SH3D19: variants seen among roughly 807,000 people sequenced by gnomAD.
SH3D19 encodes SH3 domain containing 19.
A neutral mutation model predicts 112.1 loss-of-function variants in SH3D19; 58 were observed. The observed-to-expected ratio is 0.52, with a 90% CI of 0.42 to 0.64. The LOEUF is 0.64. Among genes scored for constraint, SH3D19 ranks in the 30% least tolerant of loss-of-function variants. SH3D19 has a pLI of 0.00. For missense variants in SH3D19, 1,090 were observed against 1,263.4 expected, an observed-to-expected ratio of 0.86 and a Z score of 2.08; for synonymous variants, 391 against 448.5, an observed-to-expected ratio of 0.87 and a Z score of 1.62.
In SH3D19 at chr4:151,267,172, ATAAAT is replaced by A. The variant is rs750243220; in HGVS notation, c.113-41091_113-41087del. Among the ~76,000 whole-genome samples, 58 of 144,208 alleles carry A rather than the reference ATAAAT, an allele frequency of 4.0e-4. 3 individuals carry two copies. The highest frequency in any genetic ancestry group is 7.7e-4 in the African/African-American group (30 of 38,912). The allele number at this position is 144,208 out of a possible 152,430, so 94.6% of individuals were successfully genotyped here. Reference sequence around the variant, plus strand: ...AGTCTCTCTCTAAAAAAAAAAAAAAATAAATAAAATAAATTAGTCTAGCATAGTGG... The same window carrying A: ...AGTCTCTCTCTAAAAAAAAAAAAAAAAAAATAAATTAGTCTAGCATAGTGG... On this transcript the variant is annotated intron_variant, in intron 1 of 19. Transcript: ENST00000604030.
intron 2 of SH3D19, among the ~76,000 whole-genome samples, chr4:151,214,563 C>A (rs1196418611): frequency 3.6e-4 from 52 of 142,566 alleles, no homozygotes; most frequent in African/African-American, 1.3e-3. Context: ...ACCTCCCGGA[C>A]GGGGAGGCTG....
intron 1 of SH3D19, among the ~76,000 whole-genome samples, chr4:151,252,321 T>A (rs1431749567): frequency 6.6e-6 from 1 of 152,214 alleles, no homozygotes; most frequent in Non-Finnish European, 1.5e-5. Flanking sequence ...CTCAAAGTAC[T>A]CCCCTTTTAT....
intron 1 of SH3D19, chr4:151,266,157 C>CGTA (rs1772774948): frequency 6.6e-6 from 1 of 152,066 alleles, no homozygotes; most frequent in South Asian, 2.1e-4. Context: ...GGAATGAGAT[C>CGTA]GTACCGATGA....
intron 1 of SH3D19, among the ~76,000 whole-genome samples, chr4:151,307,463 C>G (rs1166201632): frequency 6.6e-6 from 1 of 152,224 alleles, no homozygotes; most frequent in Non-Finnish European, 1.5e-5. Flanking sequence ...CTCGTGAGCC[C>G]AAAAAGCCAC....
intron 1 of SH3D19, among the ~76,000 whole-genome samples, chr4:151,254,115 T>C (rs1386244201): frequency 7.2e-5 from 11 of 152,196 alleles, no homozygotes; most frequent in Admixed American, 5.2e-4. Flanking sequence ...AATGAAAACA[T>C]GCGTTACCCT....
chr4:151,287,266 G>C (rs531159156), intron 1 of SH3D19, among the ~76,000 whole-genome samples: 2 of 149,634 alleles, frequency 1.3e-5, no homozygotes, highest in Non-Finnish European at 3.0e-5. Flanking sequence ...ACTTGAACCC[G>C]GGAGGCAGAG....
chr4:151,137,100 T>C lies in SH3D19; in HGVS notation c.2427+632A>G, dbSNP rs562405125. Among the ~76,000 whole-genome samples, 40 of 152,338 alleles carry C rather than the reference T, an allele frequency of 2.6e-4. 1 individual carries two copies. The highest frequency in any genetic ancestry group is 9.1e-4 in the African/African-American group (38 of 41,580). ...TATCCCCATGTTTCACACAGCCATC[T>C]GGGCTTACACACAGCTCTCACACAT... On this transcript the variant is annotated intron_variant, in intron 14 of 19. Transcript: ENST00000604030.
chr4:151,179,567 A>G (rs1234979254), intron 3 of SH3D19, among the ~76,000 whole-genome samples, 170 bp from the exon 4 acceptor site: 3 of 152,222 alleles, frequency 2.0e-5, no homozygotes. Context: ...TTATTAGCAT[A>G]AAGTTAATTA....
chr4:151,311,231 A>G (rs1034064248), intron 1 of SH3D19, among the ~76,000 whole-genome samples: 1 of 151,472 alleles, frequency 6.6e-6, no homozygotes, highest in African/African-American at 2.4e-5. Context: ...TCTACAAAAA[A>G]TTATTATAAT....
intron 1 of SH3D19, among the ~76,000 whole-genome samples, chr4:151,301,983 C>T (rs1319893624): frequency 6.6e-6 from 1 of 152,096 alleles, no homozygotes; most frequent in Non-Finnish European, 1.5e-5. Context: ...TTGGTCTGCT[C>T]AAACTAGCAA....
chr4:151,276,405 T>C (rs1396203104), intron 1 of SH3D19, among the ~76,000 whole-genome samples: 1 of 152,132 alleles, frequency 6.6e-6, no homozygotes, highest in Non-Finnish European at 1.5e-5. Context: ...CAGCTAAGTC[T>C]TATTCCAAGA....
At chr4:151,239,922 T>C (rs149971095) in intron 1 of SH3D19, among the ~76,000 whole-genome samples, 2 of 152,298 alleles carry the variant, frequency 1.3e-5, no homozygotes, top group East Asian at 3.9e-4. Flanking sequence ...AGTGGATAAA[T>C]GACCAGGAGG....
At chr4:151,295,305 G>A (rs903141261) in intron 1 of SH3D19, among the ~76,000 whole-genome samples, 7 of 152,230 alleles carry the variant, frequency 4.6e-5, no homozygotes, top group Non-Finnish European at 1.0e-4. Context: ...TGGTAGCAGA[G>A]TCAGAACAAA....
chr4:151,275,155 C>T (rs1319462901), intron 1 of SH3D19, among the ~76,000 whole-genome samples: 2 of 150,802 alleles, frequency 1.3e-5, no homozygotes, highest in East Asian at 2.0e-4. Context: ...GGCGCGATCT[C>T]GGCTCACTGC....
At chr4:151,319,564 T>C (rs1730338539) in intron 1 of SH3D19, among the ~76,000 whole-genome samples, 1 of 152,218 alleles carries the variant, frequency 6.6e-6, no homozygotes, top group Non-Finnish European at 1.5e-5. Context: ...TGAGAGGATA[T>C]GACCTGACAT....
chr4:151,272,204 T>C (rs1773276808), intron 1 of SH3D19, among the ~76,000 whole-genome samples: 1 of 152,170 alleles, frequency 6.6e-6, no homozygotes, highest in South Asian at 2.1e-4. Context: ...ATAGATAAAA[T>C]ACGGTGATAA....
At chr4:151,292,639 C>A (rs910444373) in intron 1 of SH3D19, among the ~76,000 whole-genome samples, 1 of 152,340 alleles carries the variant, frequency 6.6e-6, no homozygotes, top group East Asian at 1.9e-4. Context: ...CTTTTGAACT[C>A]AATTACAATC....
Position 151,149,426 on chromosome 4 carries a change from T to C in SH3D19, c.1817+74A>G, listed in dbSNP as rs193274550. 8.7e-4 allele frequency: 1,068 copies of C among 1,228,464 alleles called. 7 individuals are homozygous for C. In the African/African-American group the frequency reaches 0.013, roughly 15 times the overall value. The allele number at this position is 1,228,464 out of a possible 1,614,324, so 76.1% of individuals were successfully genotyped here. A position where few individuals can be genotyped will look rare whatever the true frequency, so the allele number is the denominator to read the frequency against. ...AAAAAAGATTCAAGGCCAACAACAC[T>C]CAATCTTGGTGATAAAAAAGAGTTG... On this transcript the variant is annotated intron_variant, in intron 10 of 19. Transcript: ENST00000604030.
At chr4:151,311,559 C>G (rs1477528599) in intron 1 of SH3D19, among the ~76,000 whole-genome samples, 1 of 152,112 alleles carries the variant, frequency 6.6e-6, no homozygotes, top group Non-Finnish European at 1.5e-5. Context: ...AGAGAATAGG[C>G]TGGGCATAGT....
Sources: gnomAD v4.1 joint callset for allele counts (sites outside exome capture counted in the v4.1 genomes callset) on GRCh38, gnomAD v4.1.1 for gene constraint, MANE v1.5 for transcripts, NCBI Gene and HGNC (gene_info 2026-07-23, HGNC 2026-07-21) for gene names.